RASGRP1: variants seen among roughly 807,000 people sequenced by gnomAD.
RASGRP1 encodes the protein RAS guanyl releasing protein 1.
Under a neutral mutation model 95.1 loss-of-function variants are expected in RASGRP1, and 37 were observed. That is an observed-to-expected ratio of 0.39 (90% confidence interval 0.30 to 0.51). The LOEUF (loss-of-function observed/expected upper bound fraction) is 0.51. Ranked by LOEUF, RASGRP1 falls within the 20% of genes least tolerant of loss-of-function variation. RASGRP1 has a pLI of 0.80. For synonymous variants in RASGRP1, 325 were observed against 353.4 expected, an observed-to-expected ratio of 0.92 and a Z score of 0.90; for missense variants, 711 against 965.4, an observed-to-expected ratio of 0.74 and a Z score of 3.49.
chr15:38,527,425 T>G (rs1325726725), intron 2 of RASGRP1, among the ~76,000 whole-genome samples: 2 of 152,214 alleles, frequency 1.3e-5, no homozygotes, highest in South Asian at 2.1e-4. Flanking sequence ...CAGCTCTCGT[T>G]GGATCTAATA....
intron 2 of RASGRP1, among the ~76,000 whole-genome samples, chr15:38,543,409 T>C (rs1892979654): frequency 1.3e-5 from 2 of 152,176 alleles, no homozygotes; most frequent in South Asian, 2.1e-4. Flanking sequence ...TATCCTTATA[T>C]GTATATCACA....
At chr15:38,555,234 T>C (rs1042160695) in intron 2 of RASGRP1, among the ~76,000 whole-genome samples, 1 of 152,240 alleles carries the variant, frequency 6.6e-6, no homozygotes, top group African/African-American at 2.4e-5. Context: ...GGAGAAAACA[T>C]ACTTATTAGT....
chr15:38,550,896 A>G (rs2141184310), intron 2 of RASGRP1, among the ~76,000 whole-genome samples: 1 of 152,318 alleles, frequency 6.6e-6, no homozygotes, highest in South Asian at 2.1e-4. Flanking sequence ...GTGAACATGA[A>G]TAATTTTAAA....
chr15:38,542,837 ATATATATATATGTG>A (rs768135614), intron 2 of RASGRP1, among the ~76,000 whole-genome samples: 1 of 127,320 alleles, frequency 7.9e-6, no homozygotes, highest in East Asian at 3.1e-4. Flanking sequence ...ATATATGTGT[ATATATATATATGTG>A]TATATATATA....
chr15:38,526,447 AAACTAGT>A, intron 2 of RASGRP1, 43 bp from the exon 3 acceptor site: 1 of 1,497,038 alleles, frequency 6.7e-7, no homozygotes, highest in Non-Finnish European at 9.3e-7. Flanking sequence ...CCCTGGAGGG[AAACTAGT>A]CACCTGGTAG....
At chr15:38,502,543 C>T (rs1454617415) in intron 11 of RASGRP1, 122 bp from the exon 12 acceptor site, 1 of 629,000 alleles carries the variant, frequency 1.6e-6, no homozygotes, top group Non-Finnish European at 2.8e-6. Flanking sequence ...ACGAGAGGAA[C>T]AGGGAAACCT....
At chr15:38,531,977 G>A (rs1026980703) in intron 2 of RASGRP1, among the ~76,000 whole-genome samples, 2 of 151,856 alleles carry the variant, frequency 1.3e-5, no homozygotes, top group Admixed American at 6.6e-5. Flanking sequence ...TCGGGGATAC[G>A]TCCCTTCCTG....
chr15:38,556,158 G>A (rs1893545062), intron 2 of RASGRP1, among the ~76,000 whole-genome samples: 1 of 152,222 alleles, frequency 6.6e-6, no homozygotes, highest in South Asian at 2.1e-4. Context: ...CAGCTGAAGA[G>A]AGGATTAACT....
chr15:38,490,771 G>T lies in RASGRP1; in HGVS notation c.2260-83C>A. On this transcript the variant is annotated intron_variant, in intron 16 of 16. Coordinates refer to ENST00000310803, the MANE Select transcript of RASGRP1 (RefSeq NM_005739.4). ...TACAAATTGAGAGCTACTTTTGATT[G>T]GCATTTCCTATTCACTGTGGCTGAG... is the stretch of plus-strand genomic sequence containing the variant. 3 of 1,384,332 alleles carry T rather than the reference G, an allele frequency of 2.2e-6. 1 individual carries two copies. In the South Asian group the frequency reaches 4.2e-5, roughly 19 times the overall value. The allele number at this position is 1,384,332 out of a possible 1,614,324, so 85.8% of individuals were successfully genotyped here. A position where few individuals can be genotyped will look rare whatever the true frequency, so the allele number is the denominator to read the frequency against.
At chr15:38,532,878 A>C (rs1892499514) in intron 2 of RASGRP1, among the ~76,000 whole-genome samples, 1 of 152,122 alleles carries the variant, frequency 6.6e-6, no homozygotes, top group South Asian at 2.1e-4. Flanking sequence ...CTGCTCCCTG[A>C]TGATCAGAGT....
At chr15:38,546,222 TA>T (rs1893097649) in intron 2 of RASGRP1, among the ~76,000 whole-genome samples, 1 of 152,058 alleles carries the variant, frequency 6.6e-6, no homozygotes, top group African/African-American at 2.4e-5. Context: ...TTTATTTATT[TA>T]TTTATTTATT....
At chr15:38,518,698 T>C (rs1014241192) in intron 4 of RASGRP1, among the ~76,000 whole-genome samples, 6 of 152,078 alleles carry the variant, frequency 3.9e-5, no homozygotes, top group African/African-American at 1.4e-4. Flanking sequence ...ATCATGTGGG[T>C]TGGAGATAAT....
chr15:38,505,636 C>T (rs1891223692), intron 10 of RASGRP1, among the ~76,000 whole-genome samples: 1 of 152,158 alleles, frequency 6.6e-6, no homozygotes, highest in Non-Finnish European at 1.5e-5. Flanking sequence ...ATCCCTTCAA[C>T]TATATCACAG....
At chr15:38,526,612 C>A (rs1032603361) in intron 2 of RASGRP1, among the ~76,000 whole-genome samples, 1 of 152,100 alleles carries the variant, frequency 6.6e-6, no homozygotes, top group South Asian at 2.1e-4. Flanking sequence ...TCATTAACTA[C>A]CCCTTTTCCT....
intron 2 of RASGRP1, among the ~76,000 whole-genome samples, chr15:38,536,428 C>T (rs1344245091): frequency 1.3e-5 from 2 of 152,238 alleles, no homozygotes. Flanking sequence ...CTCACTGGAG[C>T]ATATTTGTAT....
chr15:38,506,241 C>A (rs1288240859), intron 9 of RASGRP1, among the ~76,000 whole-genome samples: 1 of 152,184 alleles, frequency 6.6e-6, no homozygotes, highest in East Asian at 1.9e-4. Context: ...TCAAAGCAGA[C>A]AGATGATCTG....
intron 11 of RASGRP1, chr15:38,502,965 C>A: frequency 5.0e-6 from 2 of 402,130 alleles, no homozygotes; most frequent in East Asian, 4.5e-5. Context: ...TTTAGGTTTA[C>A]CTGATTACCC....
intron 15 of RASGRP1, among the ~76,000 whole-genome samples, chr15:38,497,541 C>T (rs1383587166): frequency 6.6e-6 from 1 of 152,156 alleles, no homozygotes; most frequent in Non-Finnish European, 1.5e-5. Context: ...ATTCCACCTT[C>T]TCCATAAAGT....
chr15:38,551,891 C>T (rs905178321), intron 2 of RASGRP1, among the ~76,000 whole-genome samples: 1 of 152,120 alleles, frequency 6.6e-6, no homozygotes, highest in Non-Finnish European at 1.5e-5. Flanking sequence ...TGAAAACATA[C>T]TCAACAAAAG....
Sources: allele counts gnomAD v4.1 joint callset (sites outside exome capture counted in the v4.1 genomes callset), GRCh38; gene constraint gnomAD v4.1.1; transcripts MANE v1.5; gene names NCBI Gene and HGNC (gene_info 2026-07-23, HGNC 2026-07-21).